ZNF521: variants seen among roughly 807,000 people sequenced by gnomAD.
ZNF521 encodes the protein LYST-interacting protein 3.
A neutral mutation model predicts 105.5 loss-of-function variants in ZNF521; 14 were observed. The observed-to-expected ratio is 0.13, with a 90% CI of 0.09 to 0.21. The LOEUF (loss-of-function observed/expected upper bound fraction) is 0.21, where lower values mean the gene tolerates loss of function less well. Among genes scored for constraint, ZNF521 ranks in the 10% least tolerant of loss-of-function variants. The pLI is 1.00. For synonymous variants in ZNF521, 635 were observed against 606.0 expected, an observed-to-expected ratio of 1.05 and a Z score of -0.70; for missense variants, 1,233 against 1,629.7, an observed-to-expected ratio of 0.76 and a Z score of 4.19.
chr18:25,116,591 T>C (rs1172481428), intron 5 of ZNF521, among the ~76,000 whole-genome samples: 1 of 151,960 alleles, frequency 6.6e-6, no homozygotes, highest in African/African-American at 2.4e-5. Flanking sequence ...TGCAGATAAC[T>C]ACTATAAATT....
chr18:25,112,702 A>G (rs2034217001), intron 5 of ZNF521, among the ~76,000 whole-genome samples: 1 of 152,166 alleles, frequency 6.6e-6, no homozygotes. Flanking sequence ...ATTAGGTAGG[A>G]AACAACCACA....
chr18:25,141,468 A>G (rs9952869), intron 5 of ZNF521, among the ~76,000 whole-genome samples: 6,689 of 152,276 alleles, frequency 0.044, 268 homozygotes, highest in African/African-American at 0.1. Flanking sequence ...CTTAGAGCAC[A>G]GAAAATGGAA....
chr18:25,322,002 G>A lies in ZNF521; in HGVS notation c.220+6C>T, dbSNP rs1912955438. 3 of 1,613,088 alleles carry A rather than the reference G, an allele frequency of 1.9e-6. No homozygotes were observed. The highest frequency in any genetic ancestry group is 4.5e-5 in the East Asian group (2 of 44,862). On this transcript the variant is annotated splice_donor_region_variant and intron_variant, in intron 3 of 7. Coordinates refer to ENST00000361524, the MANE Select transcript of ZNF521 (RefSeq NM_015461.3). ...AGAAGACAAAAAAGTGATAAGTATT[G>A]TTTACCTGTCAGTTGACATTGATTA...
At chr18:25,134,269 G>A (rs530524147) in intron 5 of ZNF521, among the ~76,000 whole-genome samples, 2 of 152,258 alleles carry the variant, frequency 1.3e-5, no homozygotes, top group South Asian at 2.1e-4. Flanking sequence ...GCCAAAGGAA[G>A]CTTAAGGAGG....
chr18:25,198,981 T>A (rs1443437030), intron 4 of ZNF521, among the ~76,000 whole-genome samples: 1 of 151,976 alleles, frequency 6.6e-6, no homozygotes, highest in Non-Finnish European at 1.5e-5. Flanking sequence ...TAGCTTAATA[T>A]CACTAAGAAT....
intron 3 of ZNF521, among the ~76,000 whole-genome samples, chr18:25,245,984 C>CA (rs1458038910): frequency 2.0e-5 from 3 of 151,876 alleles, no homozygotes; most frequent in Non-Finnish European, 2.9e-5. Flanking sequence ...GCCTGGGTGA[C>CA]AGAGTGAGAC....
intron 2 of ZNF521, chr18:25,327,259 A>G (rs556509199): frequency 5.5e-6 from 1 of 181,476 alleles, no homozygotes; most frequent in South Asian, 1.8e-4. Flanking sequence ...ATGCTAAATA[A>G]GTAAACAAAT....
intron 5 of ZNF521, among the ~76,000 whole-genome samples, chr18:25,100,496 G>T (rs983860574): frequency 8.0e-5 from 12 of 150,418 alleles, no homozygotes; most frequent in African/African-American, 2.9e-4. Context: ...GGCACATGGG[G>T]GTGTTAAGGG....
At chr18:25,213,526 T>A (rs1321078200) in intron 4 of ZNF521, among the ~76,000 whole-genome samples, 1 of 152,074 alleles carries the variant, frequency 6.6e-6, no homozygotes, top group Non-Finnish European at 1.5e-5. Context: ...CTCTTTTTTA[T>A]ACATGGATTT....
intron 5 of ZNF521, among the ~76,000 whole-genome samples, chr18:25,193,404 T>C (rs2144629362): frequency 6.6e-6 from 1 of 152,138 alleles, no homozygotes; most frequent in South Asian, 2.1e-4. Flanking sequence ...TTACATTGAA[T>C]AGAACTAATG....
intron 3 of ZNF521, among the ~76,000 whole-genome samples, chr18:25,257,387 G>C (rs1908593080): frequency 6.6e-6 from 1 of 152,124 alleles, no homozygotes; most frequent in Admixed American, 6.6e-5. Flanking sequence ...AAACAAGCCT[G>C]GGCTCAAACA....
intron 4 of ZNF521, among the ~76,000 whole-genome samples, chr18:25,214,540 T>A (rs1374248581): frequency 6.6e-6 from 1 of 152,186 alleles, no homozygotes; most frequent in Non-Finnish European, 1.5e-5. Context: ...CTAACAACTA[T>A]CCCTCTAAGT....
chr18:25,221,753 A>T (rs1905739758), intron 4 of ZNF521, among the ~76,000 whole-genome samples: 1 of 152,198 alleles, frequency 6.6e-6, no homozygotes, highest in African/African-American at 2.4e-5. Context: ...ATCTGGAAAA[A>T]ATGCACAAAC....
At position 25,328,601 on chromosome 18, in the gene ZNF521, G is replaced by A. The variant is rs940793805; in HGVS notation, c.41-6414C>T. ...GGAGTCTCGCTCTTTGGCTCAGGCCGGAGTGCAGTGGCGTGATCTTGGCTC... is the reference window on the plus strand; with the variant it reads ...GGAGTCTCGCTCTTTGGCTCAGGCCAGAGTGCAGTGGCGTGATCTTGGCTC... On this transcript the variant is annotated intron_variant, in intron 2 of 7. Transcript: ENST00000361524. Among the ~76,000 whole-genome samples the A allele has an allele frequency of 6.0e-5, 9 of 149,950 alleles. No homozygotes were observed. The South Asian group carries it at 6.3e-4, about 11-fold the overall frequency.
chr18:25,072,172 A>AC (rs2033242244), intron 7 of ZNF521, among the ~76,000 whole-genome samples: 1 of 152,248 alleles, frequency 6.6e-6, no homozygotes, highest in African/African-American at 2.4e-5. Context: ...TACCAAGAAT[A>AC]CCCAGTTTGA....
chr18:25,280,110 C>G lies in ZNF521; in HGVS notation c.220+41898G>C, dbSNP rs539062510. 2.0e-5 allele frequency among the ~76,000 whole-genome samples: 3 copies of G among 152,376 alleles called. No homozygotes were observed. The South Asian group carries it at 6.2e-4, about 32-fold the overall frequency. ...TCCTTGGAGAACGTCACACTCCATG[C>G]TCCTCTACAGTCACCACCCAAACGC... On this transcript the variant is annotated intron_variant, in intron 3 of 7. Transcript: ENST00000361524.
intron 1 of ZNF521, chr18:25,351,734 C>T (rs1914786599): frequency 6.4e-6 from 1 of 155,196 alleles, no homozygotes; most frequent in Admixed American, 6.5e-5. Flanking sequence ...AGCACCCGAG[C>T]CGACGGCCCC....
At chr18:25,071,538 T>C (rs769667495) in intron 7 of ZNF521, among the ~76,000 whole-genome samples, 2 of 152,198 alleles carry the variant, frequency 1.3e-5, no homozygotes, top group Non-Finnish European at 2.9e-5. Context: ...AGAGCCATCA[T>C]CCTCAATTTG....
intron 3 of ZNF521, among the ~76,000 whole-genome samples, chr18:25,240,829 G>A (rs1468847398): frequency 2.6e-5 from 4 of 151,200 alleles, no homozygotes; most frequent in Non-Finnish European, 5.9e-5. Context: ...TGGTCTAAAA[G>A]ACAGATTCCA....
Sources: allele counts gnomAD v4.1 joint callset (sites outside exome capture counted in the v4.1 genomes callset), GRCh38; gene constraint gnomAD v4.1.1; transcripts MANE v1.5; gene names NCBI Gene and HGNC (gene_info 2026-07-23, HGNC 2026-07-21).